EMCN: variants seen among roughly 807,000 people sequenced by gnomAD.
The protein encoded by EMCN is MUC-14.
A neutral mutation model predicts 38.4 loss-of-function variants in EMCN; 37 were observed. The observed-to-expected ratio is 0.96, with a 90% CI of 0.74 to 1.27. The LOEUF is 1.27. Among genes scored for constraint, EMCN ranks in the 50% most tolerant of loss-of-function variants. The pLI, the probability that EMCN is intolerant of heterozygous loss-of-function variation, is 0.00. For missense variants in EMCN, 318 were observed against 302.8 expected (o/e 1.05, Z -0.37); for synonymous variants, 95 against 100.8 (o/e 0.94, Z 0.35).
intron 5 of EMCN, among the ~76,000 whole-genome samples, chr4:100,432,052 G>A (rs1727219071): frequency 6.6e-6 from 1 of 152,110 alleles, no homozygotes; most frequent in Non-Finnish European, 1.5e-5. Context: ...TAAGGCTAAA[G>A]AAAAATGAAT....
chr4:100,484,001 G>C (rs563641251), intron 1 of EMCN, among the ~76,000 whole-genome samples: 1 of 152,250 alleles, frequency 6.6e-6, no homozygotes, highest in African/African-American at 2.4e-5. Flanking sequence ...TGTTGTAAGA[G>C]AAACAGATGG....
chr4:100,401,107 A>G (rs972991027), intron 11 of EMCN, among the ~76,000 whole-genome samples: 2 of 152,098 alleles, frequency 1.3e-5, no homozygotes, highest in African/African-American at 4.8e-5. Context: ...AGAAAAGATC[A>G]TTTTGTCTTG....
chr4:100,438,487 C>T (rs1384744539), intron 5 of EMCN, among the ~76,000 whole-genome samples: 1 of 151,928 alleles, frequency 6.6e-6, no homozygotes, highest in Non-Finnish European at 1.5e-5. Flanking sequence ...TTAGTTCTAA[C>T]AGTTTTTTCT....
chr4:100,442,460 T>G (rs1727549838), intron 5 of EMCN, among the ~76,000 whole-genome samples: 1 of 152,214 alleles, frequency 6.6e-6, no homozygotes, highest in Non-Finnish European at 1.5e-5. Context: ...TTTTCAGCAA[T>G]TATTTTATTA....
At chr4:100,478,989 A>C (rs1360222853) in intron 2 of EMCN, among the ~76,000 whole-genome samples, 1 of 152,118 alleles carries the variant, frequency 6.6e-6, no homozygotes, top group Non-Finnish European at 1.5e-5. Context: ...GTTTGGTTTC[A>C]TCTTATAATC....
intron 4 of EMCN, among the ~76,000 whole-genome samples, chr4:100,450,749 A>C (rs1350182685): frequency 6.6e-6 from 1 of 151,956 alleles, no homozygotes; most frequent in Admixed American, 6.6e-5. Flanking sequence ...GCATATGAGA[A>C]ATGTTATAAC....
At chr4:100,486,176 G>T (rs571122068) in intron 1 of EMCN, among the ~76,000 whole-genome samples, 3 of 152,146 alleles carry the variant, frequency 2.0e-5, no homozygotes, top group African/African-American at 4.8e-5. Context: ...TCAAAGTGAG[G>T]TCATGTCTCT....
intron 1 of EMCN, among the ~76,000 whole-genome samples, chr4:100,508,230 G>T (rs1463474458): frequency 6.6e-6 from 1 of 152,176 alleles, no homozygotes; most frequent in Non-Finnish European, 1.5e-5. Flanking sequence ...CACACAGCAA[G>T]CATGTGGCCC....
intron 1 of EMCN, among the ~76,000 whole-genome samples, chr4:100,502,682 T>A (rs1337787841): frequency 6.6e-6 from 1 of 152,224 alleles, no homozygotes; most frequent in Non-Finnish European, 1.5e-5. Flanking sequence ...CACAAAATGC[T>A]AACATTTTAC....
intron 2 of EMCN, among the ~76,000 whole-genome samples, chr4:100,478,951 G>A (rs1728733051): frequency 6.6e-6 from 1 of 151,992 alleles, no homozygotes. Flanking sequence ...GCTATGGAGG[G>A]CCCCAAGTAG....
At chr4:100,489,876 C>T (rs1432573691) in intron 1 of EMCN, among the ~76,000 whole-genome samples, 1 of 152,086 alleles carries the variant, frequency 6.6e-6, no homozygotes, top group African/African-American at 2.4e-5. Flanking sequence ...CTAGAACCAA[C>T]CTCGTTGGAT....
chr4:100,497,048 A>AG (rs1344703632), intron 1 of EMCN, among the ~76,000 whole-genome samples: 9 of 151,950 alleles, frequency 5.9e-5, no homozygotes, highest in Admixed American at 2.6e-4. Context: ...AAATAAAGTC[A>AG]GGGAAGCCCA....
At chr4:100,419,709 A>G (rs1028015056) in intron 8 of EMCN, among the ~76,000 whole-genome samples, 1 of 152,160 alleles carries the variant, frequency 6.6e-6, no homozygotes, top group Non-Finnish European at 1.5e-5. Flanking sequence ...AAACTGACTT[A>G]TAAAAATGCT....
At chr4:100,482,763 A>C (rs980646593) in intron 1 of EMCN, among the ~76,000 whole-genome samples, 1 of 152,154 alleles carries the variant, frequency 6.6e-6, no homozygotes, top group African/African-American at 2.4e-5. Flanking sequence ...GACAATGGGA[A>C]AATGCATGGG....
intron 9 of EMCN, among the ~76,000 whole-genome samples, chr4:100,416,681 G>A (rs1362881388): frequency 6.6e-6 from 1 of 152,098 alleles, no homozygotes; most frequent in African/African-American, 2.4e-5. Flanking sequence ...CACCTTGGTT[G>A]TTACAGTTGC....
chr4:100,469,745 G>A (rs1438004318), intron 3 of EMCN, among the ~76,000 whole-genome samples: 1 of 151,932 alleles, frequency 6.6e-6, no homozygotes, highest in Non-Finnish European at 1.5e-5. Flanking sequence ...GTGTAGGTAT[G>A]TGGCCTTATT....
chr4:100,479,478 T>C (rs1047182162), intron 2 of EMCN, among the ~76,000 whole-genome samples: 7 of 152,154 alleles, frequency 4.6e-5, no homozygotes, highest in Admixed American at 2.6e-4. Flanking sequence ...ACAATAATGA[T>C]TACATTGCTA....
At chr4:100,429,146 C>T (rs1297885723) in intron 5 of EMCN, among the ~76,000 whole-genome samples, 2 of 152,022 alleles carry the variant, frequency 1.3e-5, no homozygotes, top group Non-Finnish European at 2.9e-5. Flanking sequence ...TAAACATAAT[C>T]GTTGGTGTTG....
At chr4:100,424,236 T>C (rs1726981960) in intron 5 of EMCN, among the ~76,000 whole-genome samples, 2 of 152,154 alleles carry the variant, frequency 1.3e-5, no homozygotes, top group African/African-American at 4.8e-5. Context: ...CAATTTGTAC[T>C]TAGAAAACTT....
Sources: allele counts gnomAD v4.1 joint callset (sites outside exome capture counted in the v4.1 genomes callset), GRCh38; gene constraint gnomAD v4.1.1; transcripts MANE v1.5; gene names NCBI Gene and HGNC (gene_info 2026-07-23, HGNC 2026-07-21).